The following LRRC4C variants were observed in gnomAD, a reference collection of about 807,000 sequenced individuals.
LRRC4C encodes leucine-rich repeat-containing protein 4C.
A neutral mutation model predicts 33.6 loss-of-function variants in LRRC4C; 5 were observed. That is an observed-to-expected ratio of 0.15 (90% CI 0.08 to 0.31). LRRC4C has a LOEUF of 0.31. Among genes scored for constraint, LRRC4C ranks in the 10% least tolerant of loss-of-function variants. The pLI, the probability that LRRC4C is intolerant of heterozygous loss-of-function variation, is 1.00. For synonymous variants in LRRC4C, 329 were observed against 302.0 expected, an observed-to-expected ratio of 1.09 and a Z score of -0.93; for missense variants, 560 against 796.7, an observed-to-expected ratio of 0.70 and a Z score of 3.58.
At chr11:41,446,374 T>C (rs927850069) in intron 1 of LRRC4C, among the ~76,000 whole-genome samples, 1 of 152,224 alleles carries the variant, frequency 6.6e-6, no homozygotes. Context: ...GATGGGTGAT[T>C]GCTCTGCTTG....
At chr11:40,465,255 A>T (rs755957929) in intron 3 of LRRC4C, among the ~76,000 whole-genome samples, 3 of 152,082 alleles carry the variant, frequency 2.0e-5, no homozygotes, top group Non-Finnish European at 4.4e-5. Context: ...TTGGATAGCC[A>T]TATCCAGAAA....
chr11:40,743,453 C>T (rs1050063607), intron 2 of LRRC4C, among the ~76,000 whole-genome samples: 2 of 152,018 alleles, frequency 1.3e-5, no homozygotes, highest in African/African-American at 4.8e-5. Flanking sequence ...AGCAGAGATG[C>T]ATTCACTTCT....
intron 3 of LRRC4C, among the ~76,000 whole-genome samples, chr11:40,457,729 T>G (rs371703801): frequency 6.6e-6 from 1 of 152,174 alleles, no homozygotes; most frequent in East Asian, 1.9e-4. Flanking sequence ...CTTTCCTAGC[T>G]TGGACACTAA....
In LRRC4C at chr11:40,996,659, G is replaced by T. The variant is rs143459564; in HGVS notation, c.-495-62936C>A. 3.5e-3 allele frequency among the ~76,000 whole-genome samples: 530 copies of T among 152,238 alleles called. 5 individuals carry two copies. The highest frequency in any genetic ancestry group is 0.012 in the African/African-American group (507 of 41,560). On this transcript the variant is annotated intron_variant, in intron 1 of 6. Transcript: ENST00000528697. ...AGAGGTTTATTTGGCTCATGGTTCT[G>T]CAGAGTGTACAAGAAGCATGGTGCC... is the stretch of plus-strand genomic sequence containing the variant.
chr11:41,006,199 C>T (rs1007295906), intron 1 of LRRC4C, among the ~76,000 whole-genome samples: 8 of 152,034 alleles, frequency 5.3e-5, no homozygotes, highest in African/African-American at 4.8e-5. Flanking sequence ...ATTCATAATC[C>T]CAATGTGAGT....
At chr11:40,755,662 A>T (rs1172038274) in intron 2 of LRRC4C, among the ~76,000 whole-genome samples, 2 of 151,990 alleles carry the variant, frequency 1.3e-5, no homozygotes, top group African/African-American at 4.8e-5. Context: ...GTGCTGCTAA[A>T]TGTCTTACAA....
chr11:41,011,368 T>C (rs1331091883), intron 1 of LRRC4C, among the ~76,000 whole-genome samples: 1 of 152,172 alleles, frequency 6.6e-6, no homozygotes, highest in Non-Finnish European at 1.5e-5. Context: ...ATAGTACATC[T>C]TCTGCTAATG....
At chr11:40,706,028 C>G (rs528345119) in intron 2 of LRRC4C, among the ~76,000 whole-genome samples, 1 of 152,224 alleles carries the variant, frequency 6.6e-6, no homozygotes, top group Non-Finnish European at 1.5e-5. Context: ...ATGTTCATAT[C>G]CTTTGCCCAC....
intron 3 of LRRC4C, among the ~76,000 whole-genome samples, chr11:40,527,632 A>G (rs72883411): frequency 0.088 from 13,375 of 152,190 alleles, 1,672 homozygotes; most frequent in African/African-American, 0.28. Flanking sequence ...CAAGTTTCCA[A>G]GGAAGGAAAT....
intron 1 of LRRC4C, among the ~76,000 whole-genome samples, chr11:40,940,045 A>T (rs2136574664): frequency 6.6e-6 from 1 of 152,244 alleles, no homozygotes; most frequent in South Asian, 2.1e-4. Context: ...ACATTAGTCT[A>T]CTTGGCTAAT....
intron 5 of LRRC4C, among the ~76,000 whole-genome samples, chr11:40,188,155 C>T (rs913306044): frequency 6.6e-6 from 1 of 152,148 alleles, no homozygotes; most frequent in African/African-American, 2.4e-5. Flanking sequence ...AGGTGAACTA[C>T]CAGCCGAAAT....
At chr11:41,082,316 A>G (rs1316945403) in intron 1 of LRRC4C, among the ~76,000 whole-genome samples, 1 of 152,176 alleles carries the variant, frequency 6.6e-6, no homozygotes, top group Non-Finnish European at 1.5e-5. Context: ...CAAAAGCATT[A>G]ACACAAAATT....
chr11:40,942,883 G>A (rs923842215), intron 1 of LRRC4C, among the ~76,000 whole-genome samples: 2 of 152,056 alleles, frequency 1.3e-5, no homozygotes, highest in African/African-American at 4.8e-5. Flanking sequence ...CAGAGCCAAG[G>A]CATTTAACTC....
At chr11:40,966,394 T>A (rs1318236491) in intron 1 of LRRC4C, among the ~76,000 whole-genome samples, 1 of 151,882 alleles carries the variant, frequency 6.6e-6, no homozygotes, top group Non-Finnish European at 1.5e-5. Flanking sequence ...AGGAAAAAGA[T>A]GGAGTTTTTA....
At chr11:40,900,730 T>C (rs1477338111) in intron 2 of LRRC4C, among the ~76,000 whole-genome samples, 1 of 152,040 alleles carries the variant, frequency 6.6e-6, no homozygotes, top group Non-Finnish European at 1.5e-5. Context: ...CCATTGCAAG[T>C]GTACAGAAGA....
intron 3 of LRRC4C, among the ~76,000 whole-genome samples, chr11:40,391,181 T>C (rs1245222251): frequency 6.6e-6 from 1 of 152,180 alleles, no homozygotes; most frequent in Non-Finnish European, 1.5e-5. Flanking sequence ...GAGACATTTG[T>C]TCCTTAGTGA....
chr11:40,959,473 T>C (rs1289210731), intron 1 of LRRC4C, among the ~76,000 whole-genome samples: 1 of 151,598 alleles, frequency 6.6e-6, no homozygotes, highest in African/African-American at 2.4e-5. Flanking sequence ...GTATTGCGTA[T>C]CAATGGACAT....
intron 1 of LRRC4C, among the ~76,000 whole-genome samples, chr11:41,180,523 A>ATCGTCC (rs1313347451): frequency 1.3e-5 from 2 of 152,248 alleles, no homozygotes; most frequent in Non-Finnish European, 2.9e-5. Flanking sequence ...AGAGTGAGAG[A>ATCGTCC]TCGTCCGCTT....
chr11:40,974,801 A>G (rs1272841597), intron 1 of LRRC4C, among the ~76,000 whole-genome samples: 5 of 152,174 alleles, frequency 3.3e-5, no homozygotes, highest in Non-Finnish European at 7.3e-5. Context: ...AAAAGAGAGC[A>G]AAGTGTTTCC....
Sources: allele counts gnomAD v4.1 joint callset (sites outside exome capture counted in the v4.1 genomes callset), GRCh38; gene constraint gnomAD v4.1.1; transcripts MANE v1.5; gene names NCBI Gene and HGNC (gene_info 2026-07-23, HGNC 2026-07-21).